Variants in SND1 observed in about 807,000 individuals in gnomAD.
The protein encoded by SND1 is staphylococcal nuclease domain-containing protein 1.
SND1 carries 38 observed loss-of-function variants against 121.7 expected under a neutral mutation model. The observed-to-expected ratio is 0.31, with a 90% CI of 0.24 to 0.41. The LOEUF (loss-of-function observed/expected upper bound fraction) is 0.41, where lower values mean the gene tolerates loss of function less well. SND1 is among the 10% of genes least tolerant of loss of function. The probability of loss-of-function intolerance (pLI) is 1.00; values close to 1 mark genes in which losing one functional copy is unlikely to be tolerated. For missense variants in SND1, 868 were observed against 1,184.6 expected (o/e 0.73, Z 3.92); for synonymous variants, 401 against 447.4 (o/e 0.90, Z 1.31).
chr7:127,666,282 G>A (rs1217606984), intron 1 of SND1, among the ~76,000 whole-genome samples: 1 of 152,164 alleles, frequency 6.6e-6, no homozygotes, highest in Non-Finnish European at 1.5e-5. Flanking sequence ...GGACTGCTTG[G>A]TTTCCATTTA....
Position 127,857,548 on chromosome 7 carries a change from G to A in SND1, c.1343+13124G>A, listed in dbSNP as rs190551681. Among the ~76,000 whole-genome samples, 7 of 151,280 alleles carry A rather than the reference G, an allele frequency of 4.6e-5. No homozygotes were observed. The East Asian group carries it at 1.4e-3, about 29-fold the overall frequency. ...TTTTTTTTCTTCGTAGCACAGTTGGGGGTGTTTACTTGGCAAGCAGAGTCC... is the reference window on the plus strand; with the variant it reads ...TTTTTTTTCTTCGTAGCACAGTTGGAGGTGTTTACTTGGCAAGCAGAGTCC... On this transcript the variant is annotated intron_variant, in intron 12 of 23. Transcript: ENST00000354725.
chr7:127,936,853 T>G (rs1044331492), intron 15 of SND1, among the ~76,000 whole-genome samples: 22 of 152,338 alleles, frequency 1.4e-4, no homozygotes, highest in Admixed American at 1.4e-3. Context: ...GGCCTCACAT[T>G]TTTACCTAAA....
intron 10 of SND1, among the ~76,000 whole-genome samples, chr7:127,761,808 T>C (rs1397554771): frequency 6.6e-6 from 1 of 152,256 alleles, no homozygotes; most frequent in Non-Finnish European, 1.5e-5. Context: ...AGTTTTCCTT[T>C]GAAGGTGCAT....
intron 12 of SND1, among the ~76,000 whole-genome samples, chr7:127,870,584 T>C (rs1177780120): frequency 6.6e-6 from 1 of 152,202 alleles, no homozygotes; most frequent in African/African-American, 2.4e-5. Flanking sequence ...TAGGCAGTTA[T>C]ATAACACAAT....
intron 9 of SND1, among the ~76,000 whole-genome samples, chr7:127,708,676 G>GT (rs1309364728): frequency 4.6e-5 from 7 of 152,070 alleles, no homozygotes; most frequent in Non-Finnish European, 8.8e-5. Context: ...ATCCTTGGTG[G>GT]TATCAGCAGT....
intron 1 of SND1, among the ~76,000 whole-genome samples, chr7:127,682,711 A>T (rs1218246679): frequency 6.6e-6 from 1 of 152,168 alleles, no homozygotes; most frequent in East Asian, 1.9e-4. Context: ...AACATATTAT[A>T]CTTACATGTG....
chr7:127,750,623 C>T (rs1370923423), intron 10 of SND1, among the ~76,000 whole-genome samples: 1 of 152,056 alleles, frequency 6.6e-6, no homozygotes, highest in Admixed American at 6.5e-5. Context: ...TGAATATTTG[C>T]ATTATATTTC....
At position 127,714,358 on chromosome 7, in the gene SND1, C is replaced by T. The variant is rs143433077; in HGVS notation, c.1038+6711C>T. On this transcript the variant is annotated intron_variant, in intron 9 of 23. Transcript: ENST00000354725. Reference sequence around the variant, plus strand: ...TCAGGATATAAACTGTCCATGGGTACAGTAGATTTTAAAATGTATTTGGTT... The same window carrying T: ...TCAGGATATAAACTGTCCATGGGTATAGTAGATTTTAAAATGTATTTGGTT... Among the ~76,000 whole-genome samples, 8 of 152,242 alleles carry T rather than the reference C, an allele frequency of 5.3e-5. No individual in the cohort carries two copies. The East Asian group carries it at 1.5e-3, about 29-fold the overall frequency.
chr7:127,801,748 A>C (rs1037283973), intron 10 of SND1, among the ~76,000 whole-genome samples: 1 of 152,200 alleles, frequency 6.6e-6, no homozygotes, highest in Non-Finnish European at 1.5e-5. Flanking sequence ...GTACTCCTTC[A>C]TGACACAGCT....
At chr7:127,828,289 G>T (rs1178590685) in intron 11 of SND1, among the ~76,000 whole-genome samples, 1 of 151,958 alleles carries the variant, frequency 6.6e-6, no homozygotes, top group Non-Finnish European at 1.5e-5. Context: ...GAGCCACTGC[G>T]CCCAGCCGCA....
chr7:127,748,592 G>A (rs935403947), intron 10 of SND1, among the ~76,000 whole-genome samples: 3 of 152,188 alleles, frequency 2.0e-5, no homozygotes, highest in Non-Finnish European at 4.4e-5. Flanking sequence ...ACCTAACTGA[G>A]CAATAAGCTT....
intron 2 of SND1, among the ~76,000 whole-genome samples, chr7:127,691,159 A>G (rs2116316941): frequency 6.6e-6 from 1 of 152,286 alleles, no homozygotes; most frequent in South Asian, 2.1e-4. Flanking sequence ...TGTCACAACC[A>G]CTAAAGAACT....
intron 10 of SND1, among the ~76,000 whole-genome samples, chr7:127,801,329 A>T (rs1166103313): frequency 3.3e-5 from 5 of 152,218 alleles, no homozygotes; most frequent in Non-Finnish European, 1.5e-5. Context: ...TTATCAAGTT[A>T]TACTTTTTTG....
chr7:127,750,918 A>G (rs1328077652), intron 10 of SND1, among the ~76,000 whole-genome samples: 1 of 152,218 alleles, frequency 6.6e-6, no homozygotes, highest in Non-Finnish European at 1.5e-5. Flanking sequence ...CTAGTGTAAA[A>G]TAAATGTTTC....
chr7:127,983,055 G>T (rs1304372357), intron 15 of SND1, among the ~76,000 whole-genome samples: 1 of 152,176 alleles, frequency 6.6e-6, no homozygotes, highest in East Asian at 1.9e-4. Context: ...AAGAATTTTT[G>T]AAATCGGCCT....
intron 17 of SND1, among the ~76,000 whole-genome samples, chr7:128,079,372 C>G (rs1354041213): frequency 6.6e-6 from 1 of 152,394 alleles, no homozygotes; most frequent in African/African-American, 2.4e-5. Flanking sequence ...AGTCCTGCTG[C>G]CTGCCTCCTC....
At chr7:128,041,594 G>A (rs891752582) in intron 16 of SND1, among the ~76,000 whole-genome samples, 3 of 152,130 alleles carry the variant, frequency 2.0e-5, no homozygotes, top group African/African-American at 4.8e-5. Flanking sequence ...TGATCTAAAC[G>A]TGCTAGAACT....
At chr7:127,696,601 A>T (rs931387984) in intron 3 of SND1, among the ~76,000 whole-genome samples, 1 of 152,220 alleles carries the variant, frequency 6.6e-6, no homozygotes, top group Non-Finnish European at 1.5e-5. Flanking sequence ...CTGTTACCCC[A>T]CAAGAGACCT....
chr7:127,894,693 G>C (rs1800082589), intron 13 of SND1, among the ~76,000 whole-genome samples: 1 of 152,030 alleles, frequency 6.6e-6, no homozygotes, highest in South Asian at 2.1e-4. Context: ...ACAGAGTGTA[G>C]ATTAAATGGG....
Sources: allele counts gnomAD v4.1 joint callset (sites outside exome capture counted in the v4.1 genomes callset), GRCh38; gene constraint gnomAD v4.1.1; transcripts MANE v1.5; gene names NCBI Gene and HGNC (gene_info 2026-07-23, HGNC 2026-07-21).